The following ENTHD1 variants were observed in gnomAD, a reference collection of about 807,000 sequenced individuals.
The protein encoded by ENTHD1 is ENTH domain containing 1.
Under a neutral mutation model 39.1 loss-of-function variants are expected in ENTHD1, and 23 were observed. That is an observed-to-expected ratio of 0.59 (90% CI 0.42 to 0.83). ENTHD1 has a LOEUF of 0.83. ENTHD1 is among the 40% of genes least tolerant of loss of function. The pLI is 0.00. For missense variants in ENTHD1, 624 were observed against 705.4 expected (o/e 0.88, Z 1.31); for synonymous variants, 230 against 258.2 (o/e 0.89, Z 1.05).
chr22:39,838,275 A>T (rs2065920552), intron 3 of ENTHD1, among the ~76,000 whole-genome samples: 1 of 152,092 alleles, frequency 6.6e-6, no homozygotes, highest in Non-Finnish European at 1.5e-5. Flanking sequence ...ACTCCTTATG[A>T]CTGTTTAACA....
intron 4 of ENTHD1, among the ~76,000 whole-genome samples, chr22:39,825,900 C>A (rs549779328): frequency 1.9e-4 from 29 of 152,024 alleles, no homozygotes; most frequent in African/African-American, 7.0e-4. Flanking sequence ...GAGACAGAGT[C>A]TCACTCACTC....
intron 5 of ENTHD1, among the ~76,000 whole-genome samples, chr22:39,806,711 C>T (rs575725270): frequency 1.3e-5 from 2 of 152,216 alleles, no homozygotes; most frequent in East Asian, 1.9e-4. Context: ...CCAGCAGAAT[C>T]GGCACCAGAT....
chr22:39,794,366 T>C (rs995327875), intron 5 of ENTHD1, among the ~76,000 whole-genome samples: 1 of 152,224 alleles, frequency 6.6e-6, no homozygotes, highest in Admixed American at 6.5e-5. Context: ...GTAGAGTCTT[T>C]AGGTTTTTCT....
chr22:39,839,680 A>G (rs1201787113), intron 3 of ENTHD1, among the ~76,000 whole-genome samples: 4 of 152,222 alleles, frequency 2.6e-5, no homozygotes, highest in African/African-American at 9.6e-5. Flanking sequence ...GGCTTAGATC[A>G]TCTATCTACT....
chr22:39,808,900 C>G (rs746198413), intron 5 of ENTHD1, among the ~76,000 whole-genome samples: 1 of 152,084 alleles, frequency 6.6e-6, no homozygotes, highest in African/African-American at 2.4e-5. Context: ...ATGCATGAAT[C>G]ATGCTTTCCC....
chr22:39,821,807 T>C (rs147855779), intron 4 of ENTHD1, among the ~76,000 whole-genome samples: 281 of 152,300 alleles, frequency 1.8e-3, no homozygotes, highest in Admixed American at 8.0e-3. Flanking sequence ...CCCCACCTCC[T>C]AGACAGTCAT....
intron 5 of ENTHD1, among the ~76,000 whole-genome samples, chr22:39,788,652 A>T (rs779498012): frequency 2.6e-5 from 4 of 152,212 alleles, no homozygotes; most frequent in Non-Finnish European, 5.9e-5. Context: ...GTTCTACTGT[A>T]TGTAAAATGC....
chr22:39,757,767 C>T lies in ENTHD1; in HGVS notation c.1219+7456G>A, dbSNP rs1035552516. Reference sequence around the variant, plus strand: ...CTGTGTTCCCACTCAAATCTCATCTCGAATTGTATTCCCCACGTGTCAAGG... The same window carrying T: ...CTGTGTTCCCACTCAAATCTCATCTTGAATTGTATTCCCCACGTGTCAAGG... On this transcript the variant is annotated intron_variant, in intron 6 of 6. Coordinates refer to ENST00000325157, the MANE Select transcript of ENTHD1 (RefSeq NM_152512.4). Among the ~76,000 whole-genome samples the T allele has an allele frequency of 3.3e-5, 5 of 152,018 alleles. No individual in the cohort carries two copies. The East Asian group carries it at 9.6e-4, about 29-fold the overall frequency.
At position 39,820,388 on chromosome 22, in the gene ENTHD1, T is replaced by A. The variant is rs114714854; in HGVS notation, c.832+605A>T. Among the ~76,000 whole-genome samples, 373 of 152,316 alleles carry A rather than the reference T, an allele frequency of 2.4e-3. 3 individuals carry two copies. The highest frequency in any genetic ancestry group is 0.014 in the Middle Eastern group (4 of 294). ...GTTTCGTTCTCATGGTGGCAGAAGATCTTCCATTCTACTTTCTGAGAAAAT... is the reference window on the plus strand; with the variant it reads ...GTTTCGTTCTCATGGTGGCAGAAGAACTTCCATTCTACTTTCTGAGAAAAT... On this transcript the variant is annotated intron_variant, in intron 5 of 6. Coordinates refer to ENST00000325157, the MANE Select transcript of ENTHD1 (RefSeq NM_152512.4).
chr22:39,878,799 A>G lies in ENTHD1; in HGVS notation c.349+8601T>C, dbSNP rs80245146. 5.3e-3 allele frequency among the ~76,000 whole-genome samples: 802 copies of G among 152,250 alleles called. 10 individuals carry two copies. Among genetic ancestry groups the G allele is most frequent in the African/African-American group, 0.018 (738 of 41,576 alleles). Reference sequence around the variant, plus strand: ...GAAAATAAAAACTTTCTTATTATTTATTAATAAAATAATAGCAACAATGTA... The same window carrying G: ...GAAAATAAAAACTTTCTTATTATTTGTTAATAAAATAATAGCAACAATGTA... On this transcript the variant is annotated intron_variant, in intron 2 of 6. Transcript: ENST00000325157.
intron 1 of ENTHD1, among the ~76,000 whole-genome samples, chr22:39,889,693 A>G (rs1291117394): frequency 1.3e-5 from 2 of 152,212 alleles, no homozygotes; most frequent in East Asian, 3.8e-4. Flanking sequence ...GAAGACATAA[A>G]TTTTTAGAAG....
At chr22:39,763,604 C>T (rs2065252444) in intron 6 of ENTHD1, among the ~76,000 whole-genome samples, 1 of 152,268 alleles carries the variant, frequency 6.6e-6, no homozygotes, top group Non-Finnish European at 1.5e-5. Context: ...TTCCTTCCCC[C>T]TGGGATCTTA....
chr22:39,873,677 T>C (rs1377501577), intron 2 of ENTHD1, among the ~76,000 whole-genome samples: 14 of 152,206 alleles, frequency 9.2e-5, no homozygotes, highest in Non-Finnish European at 1.0e-4. Context: ...AACAAGATCA[T>C]GCATATGGAA....
intron 4 of ENTHD1, among the ~76,000 whole-genome samples, chr22:39,821,629 C>T (rs562542812): frequency 6.6e-6 from 1 of 152,312 alleles, no homozygotes; most frequent in East Asian, 1.9e-4. Flanking sequence ...CACTTTGAAG[C>T]AAATCCTAGA....
chr22:39,815,706 TTACAA>T (rs1378683911), intron 5 of ENTHD1, among the ~76,000 whole-genome samples: 1 of 152,112 alleles, frequency 6.6e-6, no homozygotes, highest in Non-Finnish European at 1.5e-5. Context: ...ACAGCATTGT[TTACAA>T]TACAATAACT....
chr22:39,757,113 CTG>C (rs1382955342), intron 6 of ENTHD1, among the ~76,000 whole-genome samples: 1 of 151,956 alleles, frequency 6.6e-6, no homozygotes, highest in East Asian at 1.9e-4. Context: ...TCCATGAACA[CTG>C]TGTATCTTCT....
chr22:39,867,918 A>C lies in ENTHD1; in HGVS notation c.350-5911T>G, dbSNP rs12628547. On this transcript the variant is annotated intron_variant, in intron 2 of 6. Coordinates refer to ENST00000325157, the MANE Select transcript of ENTHD1 (RefSeq NM_152512.4). This position sits in a 1 kb window ranked among gnomAD's most constrained non-coding sequence, Gnocchi z 4.5. The stretch of plus-strand genomic sequence containing the variant: ...TCTCAAAAACAAGATAAAAACCCCC[A>C]CGAAGCAGAAATATAACAGAAATGA... 6.6e-6 allele frequency among the ~76,000 whole-genome samples: 1 copy of C among 152,076 alleles called. No homozygotes were observed. The highest frequency in any genetic ancestry group is 1.9e-4 in the East Asian group (1 of 5,196).
At chr22:39,843,606 A>G (rs12484239) in intron 3 of ENTHD1, among the ~76,000 whole-genome samples, 55,429 of 151,696 alleles carry the variant, frequency 0.37, 12,554 homozygotes, top group Non-Finnish European at 0.49. Flanking sequence ...AACTTAAAGT[A>G]TAATAATAAA....
intron 3 of ENTHD1, among the ~76,000 whole-genome samples, chr22:39,853,032 A>G (rs919940350): frequency 6.6e-6 from 1 of 152,244 alleles, no homozygotes; most frequent in Non-Finnish European, 1.5e-5. Flanking sequence ...CAACTCTGTT[A>G]GTACAAAGCT....
Sources: gnomAD v4.1 joint callset for allele counts (sites outside exome capture counted in the v4.1 genomes callset) on GRCh38, gnomAD v4.1.1 for gene constraint, Gnocchi (gnomAD v3.1) non-coding constraint, MANE v1.5 for transcripts, NCBI Gene and HGNC (gene_info 2026-07-23, HGNC 2026-07-21) for gene names.